Variants in GALNT9 observed in about 807,000 individuals in gnomAD.
The protein encoded by GALNT9 is polypeptide N-acetylgalactosaminyltransferase 9, also known as GalNAc transferase 9.
GALNT9 carries 47 observed loss-of-function variants against 63.1 expected under a neutral mutation model. The ratio of observed to expected loss-of-function variants is 0.75; its 90% CI spans 0.59 to 0.95. GALNT9 has a LOEUF of 0.95. GALNT9 is among the 40% of genes least tolerant of loss of function. The pLI is 0.00. For synonymous variants in GALNT9, 396 were observed against 365.7 expected, an observed-to-expected ratio of 1.08 and a Z score of -0.94; for missense variants, 829 against 874.8, an observed-to-expected ratio of 0.95 and a Z score of 0.66.
chr12:132,318,450 C>T (rs1172123228), intron 1 of GALNT9, among the ~76,000 whole-genome samples: 1 of 150,668 alleles, frequency 6.6e-6, no homozygotes, highest in Non-Finnish European at 1.5e-5. Flanking sequence ...TCAGTCCAGC[C>T]TCCAACACAG....
At chr12:132,302,267 C>CACACACACACACAG (rs1491396034) in intron 1 of GALNT9, among the ~76,000 whole-genome samples, 1 of 151,312 alleles carries the variant, frequency 6.6e-6, no homozygotes, top group Admixed American at 6.6e-5. Flanking sequence ...CACACACACA[C>CACACACACACACAG]AGGATCACCT....
At chr12:132,306,268 G>A (rs1375671745) in intron 1 of GALNT9, among the ~76,000 whole-genome samples, 2 of 152,238 alleles carry the variant, frequency 1.3e-5, no homozygotes, top group East Asian at 1.9e-4. Flanking sequence ...CATAACTGCC[G>A]GGGCGTGGCC....
At position 132,265,933 on chromosome 12, in the gene GALNT9, C is replaced by G. The variant is rs1555240133; in HGVS notation, c.420-3308G>C. ...AGGTACTGAGCATGTGTGCCAACCA[C>G]AGGCCTGTCTGCCTTTACACGCCCG... On this transcript the variant is annotated intron_variant, in intron 2 of 10. Transcript: ENST00000328957. The surrounding 1 kb of genome is among the most constrained non-coding windows in gnomAD (Gnocchi z 5.3). Among the ~76,000 whole-genome samples, 1 of 152,258 alleles carries G rather than the reference C, an allele frequency of 6.6e-6. No homozygotes were observed.
At chr12:132,277,661 C>T (rs969841056) in intron 2 of GALNT9, 2 of 152,328 alleles carry the variant, frequency 1.3e-5, no homozygotes, top group African/African-American at 2.4e-5. Context: ...CCCCCGCGGC[C>T]CCGGCTCTGC....
At chr12:132,197,548 AG>A (rs1875605218) in intron 10 of GALNT9, among the ~76,000 whole-genome samples, 1 of 148,752 alleles carries the variant, frequency 6.7e-6, no homozygotes, top group African/African-American at 2.6e-5. Flanking sequence ...AGGCAGATGC[AG>A]GGCTATGATC....
intron 10 of GALNT9, 131 bp downstream of exon 10, chr12:132,197,661 C>G: frequency 1.4e-6 from 1 of 699,550 alleles, no homozygotes; most frequent in Non-Finnish European, 2.4e-6. Flanking sequence ...ATCCAAGGCC[C>G]GGTCCCCTGA....
chr12:132,329,092 C>A lies in GALNT9; in HGVS notation c.112G>T (p.Val38Leu), dbSNP rs1298678810. The change falls in exon 1 of 11, where the codon GTG becomes TTG. Residue 38 changes from valine to leucine, a missense_variant. Transcript: ENST00000328957. ...CGGCGGTCGCCGCTCACGATGCGCA[C>A]GAGCTCCTGGGAGCGGCCCTGCAGG... ...CRLQGRSQEL[V>L]RIVSGDRRVR... is the part of the protein sequence containing the mutation. 3 of 1,548,740 alleles carry A rather than the reference C, an allele frequency of 1.9e-6. No individual in the cohort carries two copies. Among genetic ancestry groups the A allele is most frequent in the Non-Finnish European group, 2.6e-6 (3 of 1,146,512 alleles).
chr12:132,291,965 G>A (rs942375924), intron 1 of GALNT9, among the ~76,000 whole-genome samples: 1 of 152,134 alleles, frequency 6.6e-6, no homozygotes, highest in South Asian at 2.1e-4. Context: ...AGCCCTCGTG[G>A]GTCGCATCCT....
chr12:132,210,377 G>A (rs780118886), intron 6 of GALNT9, among the ~76,000 whole-genome samples: 5 of 152,250 alleles, frequency 3.3e-5, no homozygotes, highest in Non-Finnish European at 5.9e-5. Flanking sequence ...AAGCAACAGG[G>A]CTCGTAGGGT....
At chr12:132,303,120 C>T (rs1449697717) in intron 1 of GALNT9, among the ~76,000 whole-genome samples, 4 of 152,022 alleles carry the variant, frequency 2.6e-5, no homozygotes, top group Admixed American at 6.5e-5. Context: ...CAGGACTAGC[C>T]GTCCCCATGC....
chr12:132,312,195 T>C (rs1289421863), intron 1 of GALNT9, among the ~76,000 whole-genome samples: 1 of 152,268 alleles, frequency 6.6e-6, no homozygotes, highest in African/African-American at 2.4e-5. Flanking sequence ...GTAAAATATA[T>C]TCTCACTGAG....
intron 3 of GALNT9, 85 bp downstream of exon 3, chr12:132,262,374 C>A (rs953903193): frequency 6.8e-7 from 1 of 1,469,066 alleles, no homozygotes; most frequent in East Asian, 2.5e-5. Context: ...TGTCGCTCTG[C>A]CCCCGGAGGC....
chr12:132,202,882 A>T (rs1565983293), intron 7 of GALNT9, among the ~76,000 whole-genome samples: 2 of 152,156 alleles, frequency 1.3e-5, no homozygotes, highest in Non-Finnish European at 2.9e-5. Flanking sequence ...TACAAATTAG[A>T]AAACAAACAG....
chr12:132,312,683 G>T (rs1471603178), intron 1 of GALNT9, among the ~76,000 whole-genome samples: 3 of 152,246 alleles, frequency 2.0e-5, no homozygotes, highest in Non-Finnish European at 4.4e-5. Flanking sequence ...CACACACGGA[G>T]GATGGGAGGG....
At chr12:132,248,282 C>G (rs995677651) in intron 5 of GALNT9, among the ~76,000 whole-genome samples, 1 of 152,218 alleles carries the variant, frequency 6.6e-6, no homozygotes, top group African/African-American at 2.4e-5. Flanking sequence ...TGACAGAACC[C>G]GCATTCAATT....
rs562894930 is a variant in GALNT9, at chr12:132,252,915, C to T, written c.959+4774G>A. Among the ~76,000 whole-genome samples, 3 of 149,936 alleles carry T rather than the reference C, an allele frequency of 2.0e-5. No individual in the cohort carries two copies. Among genetic ancestry groups the T allele is most frequent in the Non-Finnish European group, 3.0e-5 (2 of 67,712 alleles). On this transcript the variant is annotated intron_variant, in intron 5 of 10. Transcript: ENST00000328957. This position sits in a 1 kb window ranked among gnomAD's most constrained non-coding sequence, Gnocchi z 5.2. ...AAAAAGACACGGAGACCAGTAGTGG[C>T]CCCGAACGGCTGGGTGCGCTGATAT...
chr12:132,309,561 G>A (rs533422938), intron 1 of GALNT9, among the ~76,000 whole-genome samples: 36 of 152,310 alleles, frequency 2.4e-4, no homozygotes, highest in Admixed American at 2.0e-3. Context: ...GAAAATGAGA[G>A]GGCTCGGATA....
At chr12:132,243,613 C>G (rs1447773153) in intron 6 of GALNT9, among the ~76,000 whole-genome samples, 2 of 152,234 alleles carry the variant, frequency 1.3e-5, no homozygotes, top group East Asian at 3.8e-4. Flanking sequence ...TCTCCCGCCT[C>G]TGTCATCCCC....
chr12:132,277,672 T>G (rs1285669372), intron 2 of GALNT9: 1 of 151,904 alleles, frequency 6.6e-6, no homozygotes, highest in Non-Finnish European at 1.5e-5. Context: ...CCGGCTCTGC[T>G]GGCAGCACTG....
Sources: allele counts gnomAD v4.1 joint callset (sites outside exome capture counted in the v4.1 genomes callset), GRCh38; gene constraint gnomAD v4.1.1; non-coding constraint Gnocchi (gnomAD v3.1); transcripts MANE v1.5; gene names NCBI Gene and HGNC (gene_info 2026-07-23, HGNC 2026-07-21).